FXYD3: variants seen among roughly 807,000 people sequenced by gnomAD.
The protein encoded by FXYD3 is FXYD domain-containing ion transport regulator 3.
Under a neutral mutation model 19.2 loss-of-function variants are expected in FXYD3, and 13 were observed. That is an observed-to-expected ratio of 0.68 (90% CI 0.44 to 1.08). The LOEUF (loss-of-function observed/expected upper bound fraction) is 1.08. FXYD3 is among the 50% of genes least tolerant of loss of function. The pLI, the probability that FXYD3 is intolerant of heterozygous loss-of-function variation, is 0.00. For synonymous variants in FXYD3, 48 were observed against 38.9 expected (o/e 1.23, Z -0.87); for missense variants, 101 against 109.4 (o/e 0.92, Z 0.34).
At chr19:35,117,736 A>T (rs575048408) in intron 2 of FXYD3, among the ~76,000 whole-genome samples, 24 of 49,918 alleles carry the variant, frequency 4.8e-4, no homozygotes, top group African/African-American at 2.1e-3. Flanking sequence ...ATGCTCCCCA[A>T]AGCCTCAGGC....
chr19:35,123,812 A>T lies in FXYD3; in HGVS notation c.*355A>T. The T allele has an allele frequency of 2.7e-6, 1 of 365,370 alleles. No homozygotes were observed. Among genetic ancestry groups the T allele is most frequent in the Non-Finnish European group, 5.0e-6 (1 of 198,686 alleles). The allele number at this position is 365,370 out of a possible 1,614,324, so 22.6% of individuals were successfully genotyped here. A position where few individuals can be genotyped will look rare whatever the true frequency, so the allele number is the denominator to read the frequency against. ...TCCCTTGTGGCTTGGGACATGGCAC[A>T]GGCCCGCCCTCTGCCTCCTCAGCCA... On this transcript the variant is annotated 3_prime_UTR_variant, in exon 9 of 9. Transcript: ENST00000604404.
At chr19:35,120,771 C>T (rs1036286385) in intron 3 of FXYD3, among the ~76,000 whole-genome samples, 6 of 152,156 alleles carry the variant, frequency 3.9e-5, no homozygotes, top group African/African-American at 1.2e-4. Flanking sequence ...AAAAGTCCCC[C>T]GCTGCTGCAG....
chr19:35,122,095 G>C (rs1433353727), intron 5 of FXYD3, among the ~76,000 whole-genome samples: 1 of 152,054 alleles, frequency 6.6e-6, no homozygotes, highest in East Asian at 1.9e-4. Flanking sequence ...GATTATATTA[G>C]GTTGGTTCAA....
chr19:35,116,891 G>A (rs2064901082), intron 2 of FXYD3: 2 of 980,362 alleles, frequency 2.0e-6, no homozygotes, highest in Non-Finnish European at 2.4e-6. Context: ...AGCTGCTGGG[G>A]GAAGCTTTAA....
chr19:35,118,474 A>G, intron 2 of FXYD3: 1 of 988,750 alleles, frequency 1.0e-6, no homozygotes, highest in Non-Finnish European at 1.2e-6. Context: ...GCAGCCTTGC[A>G]GGCTGGTGAG....
intron 1 of FXYD3, 43 bp from the exon 2 acceptor site, chr19:35,116,221 C>T: frequency 2.0e-6 from 2 of 985,332 alleles, no homozygotes; most frequent in Non-Finnish European, 1.2e-6. Context: ...AGGAATGGAG[C>T]CCCTGGGCCT....
chr19:35,122,778 C>A lies in FXYD3; in HGVS notation c.111C>A (p.Leu37=), dbSNP rs937753717. 3 of 1,613,568 alleles carry A rather than the reference C, an allele frequency of 1.9e-6. No individual in the cohort carries two copies. The highest frequency in any genetic ancestry group is 8.5e-7 in the Non-Finnish European group (1 of 1,179,882). The change falls in exon 6 of 9, where the codon CTC becomes CTA. Residue 37 remains leucine, a synonymous_variant. Transcript: ENST00000604404. The part of the protein sequence containing the change: ...NSPFYYDWHS[L]QVGGLICAGV... ...CTTTCCTCCTAGACTGGCACAGCCTCCAGGTTGGCGGGCTCATCTGCGCTG... is the reference window on the plus strand; with the variant it reads ...CTTTCCTCCTAGACTGGCACAGCCTACAGGTTGGCGGGCTCATCTGCGCTG...
intron 5 of FXYD3, 87 bp from the exon 6 acceptor site, chr19:35,122,678 G>A: frequency 9.2e-7 from 1 of 1,082,484 alleles, no homozygotes; most frequent in Non-Finnish European, 1.4e-6. Flanking sequence ...TGCATCCTAG[G>A]TGCTCCATAT....
At chr19:35,116,106 C>A in intron 1 of FXYD3, 147 bp downstream of exon 1, 1 of 342,082 alleles carries the variant, frequency 2.9e-6, no homozygotes, top group Non-Finnish European at 4.1e-6. Context: ...GAGTTCCAGC[C>A]CATCCAATTC....
chr19:35,120,659 G>C (rs113673936), intron 3 of FXYD3, among the ~76,000 whole-genome samples: 42 of 152,356 alleles, frequency 2.8e-4, no homozygotes, highest in African/African-American at 9.6e-4. Flanking sequence ...CACCAGACCA[G>C]GTGGGTGTGG....
chr19:35,121,209 TC>T lies in FXYD3; in HGVS notation c.74-12del. On this transcript the variant is annotated splice_polypyrimidine_tract_variant and intron_variant, in intron 4 of 8. Transcript: ENST00000604404. Reference sequence around the variant, plus strand: ...GTAATCCTGGATTCATGATCTTTTTTCTTTCCTTGCAGATAAAAACAGTCCT... The same window carrying T: ...GTAATCCTGGATTCATGATCTTTTTTTTTCCTTGCAGATAAAAACAGTCCT... 6.2e-7 allele frequency: 1 copy of T among 1,614,206 alleles called. No individual in the cohort carries two copies. The highest frequency in any genetic ancestry group is 1.3e-5 in the African/African-American group (1 of 75,064).
Position 35,122,806 on chromosome 19 carries a change from G to A in FXYD3, c.139G>A (p.Val47Ile), listed in dbSNP as rs373639453. The change falls in exon 6 of 9, where the codon GTT (valine) becomes ATT (isoleucine). Residue 47 changes from valine (V) to isoleucine (I), a missense_variant. Transcript: ENST00000604404. ...LQVGGLICAG[V>I]LCAMGIIIVM... ...GGTTGGCGGGCTCATCTGCGCTGGG[G>A]TTCTGTGCGCCATGGGCATCATCAT... is the stretch of plus-strand genomic sequence containing the variant. The A allele has an allele frequency of 1.9e-5, 31 of 1,613,892 alleles. No individual in the cohort carries two copies. Among genetic ancestry groups the A allele is most frequent in the Non-Finnish European group, 2.4e-5 (28 of 1,180,030 alleles).
chr19:35,118,598 G>C, intron 2 of FXYD3: 1 of 997,306 alleles, frequency 1.0e-6, no homozygotes, highest in Non-Finnish European at 1.2e-6. Flanking sequence ...GCTGGGCCTA[G>C]GGTAGGGTCA....
chr19:35,120,137 T>G (rs906979600), intron 3 of FXYD3, among the ~76,000 whole-genome samples: 1 of 129,568 alleles, frequency 7.7e-6, no homozygotes, highest in Non-Finnish European at 1.7e-5. Context: ...TTCCCTTTTT[T>G]CTTTTCTTTT....
At chr19:35,123,388 GAAAGA>G in intron 8 of FXYD3, 48 bp from the exon 9 acceptor site, 2 of 1,613,698 alleles carry the variant, frequency 1.2e-6, no homozygotes, top group African/African-American at 1.3e-5. Flanking sequence ...TTGCACACTG[GAAAGA>G]AAAGAACTCA....
chr19:35,121,197 CATGAT>C lies in FXYD3; in HGVS notation c.74-24_74-20del. Reference sequence around the variant, plus strand: ...TGCATCCTGGCTGTAATCCTGGATTCATGATCTTTTTTCTTTCCTTGCAGATAAAA... The same window carrying C: ...TGCATCCTGGCTGTAATCCTGGATTCCTTTTTTCTTTCCTTGCAGATAAAA... On this transcript the variant is annotated intron_variant, in intron 4 of 8. Transcript: ENST00000604404. 3 of 1,614,160 alleles carry C rather than the reference CATGAT, an allele frequency of 1.9e-6. No homozygotes were observed. The highest frequency in any genetic ancestry group is 2.5e-6 in the Non-Finnish European group (3 of 1,179,988).
rs544459554 is a variant in FXYD3 at position 35,123,722 on chromosome 19, T to C, written c.*265T>C. 6.3e-5 allele frequency: 35 copies of C among 554,452 alleles called. No individual in the cohort carries two copies. In the South Asian group the frequency reaches 7.0e-4, roughly 11 times the overall value. 34.3% of individuals were successfully genotyped at this position (554,452 alleles called of 1,614,324 possible). A position where few individuals can be genotyped will look rare whatever the true frequency, so the allele number is the denominator to read the frequency against. ...TTGGGGCACCATGAGAAGGTTGGCG[T>C]GCCCTGGAGGCTGACACAGAGGCTG... On this transcript the variant is annotated 3_prime_UTR_variant, in exon 9 of 9. Transcript: ENST00000604404.
In FXYD3 at chr19:35,118,810, C is replaced by A. The variant is rs188839619; in HGVS notation, c.-14-553C>A. Among the ~76,000 whole-genome samples the A allele has an allele frequency of 7.2e-4, 109 of 152,296 alleles. No homozygotes were observed. The South Asian group carries it at 7.9e-3, about 11-fold the overall frequency. On this transcript the variant is annotated intron_variant, in intron 2 of 8. Transcript: ENST00000604404. The stretch of plus-strand genomic sequence containing the variant: ...CCCCACCCCCAAGCAGCTTGAAGAA[C>A]CTGCTCAGTCCTCAGCCTGAAGTCT...
rs1170713019 is a variant in FXYD3 at position 35,116,484 on chromosome 19, A to G, written c.-15+125A>G. 5.1e-6 allele frequency: 5 copies of G among 985,378 alleles called. No homozygotes were observed. In the African/African-American group the frequency reaches 5.2e-5, roughly 10 times the overall value. The allele number at this position is 985,378 out of a possible 1,614,324, so 61.0% of individuals were successfully genotyped here. ...TGTTAAAGCGCCTAAAATCTTGTGA[A>G]ATGCTTTTCTGGAGCCAGGAGATAA... On this transcript the variant is annotated intron_variant, in intron 2 of 8. Coordinates refer to ENST00000604404, the MANE Select transcript of FXYD3 (RefSeq NM_005971.4).
Sources: gnomAD v4.1 joint callset for allele counts (sites outside exome capture counted in the v4.1 genomes callset) on GRCh38, gnomAD v4.1.1 for gene constraint, MANE v1.5 for transcripts, NCBI Gene and HGNC (gene_info 2026-07-23, HGNC 2026-07-21) for gene names.